The following ZNF782 variants were observed in gnomAD, a reference collection of about 807,000 sequenced individuals.
ZNF782 encodes the protein zinc finger protein 782.
Under a neutral mutation model 13.0 loss-of-function variants are expected in ZNF782, and 12 were observed. The observed-to-expected ratio is 0.92, with a 90% CI of 0.59 to 1.50. ZNF782 has a LOEUF of 1.50. Among genes scored for constraint, ZNF782 ranks in the 40% most tolerant of loss-of-function variants. The pLI, the probability that ZNF782 is intolerant of heterozygous loss-of-function variation, is 0.00. For synonymous variants in ZNF782, 284 were observed against 283.0 expected (o/e 1.00, Z -0.04); for missense variants, 770 against 822.9 (o/e 0.94, Z 0.79).
chr9:96,901,754 C>G, the ZNF782 span, among the ~76,000 whole-genome samples: 1 of 151,342 alleles, frequency 6.6e-6, no homozygotes, highest in African/African-American at 2.4e-5. Flanking sequence ...GTGGCACACA[C>G]CTGTAATCCC....
Position 96,818,072 on chromosome 9 carries a change from A to G in ZNF782, c.1951T>C (p.Cys651Arg), listed in dbSNP as rs1455926209. The change falls in exon 6 of 6, where the codon TGT (cysteine) becomes CGT (arginine). Residue 651 changes from cysteine (C) to arginine (R), a missense_variant. Transcript: ENST00000481138. The part of the protein sequence containing the change: ...TGEKPYNCNQ[C>R]GEAFSQKSNL... ...GATTTCTGACTGAAAGCTTCCCCAC[A>G]CTGATTACAATTATATGGTTTCTCC... The G allele has an allele frequency of 5.0e-6, 8 of 1,613,824 alleles. No homozygotes were observed. Among genetic ancestry groups the G allele is most frequent in the Non-Finnish European group, 6.8e-6 (8 of 1,179,984 alleles).
rs372785206 is a variant in ZNF782 at position 96,836,858 on chromosome 9, C to G, written c.142+8032G>C. ...CTTGTGAGAACGGGTTGTTAAAGAG[C>G]CTGGTTTCTCTCTTGCTTCCTCTTT... On this transcript the variant is annotated intron_variant, in intron 4 of 5. Coordinates refer to ENST00000481138, the MANE Select transcript of ZNF782 (RefSeq NM_001001662.3). Among the ~76,000 whole-genome samples, 67 of 152,164 alleles carry G rather than the reference C, an allele frequency of 4.4e-4. 1 individual carries two copies. The East Asian group carries it at 4.5e-3, about 10-fold the overall frequency.
intron 5 of ZNF782, among the ~76,000 whole-genome samples, chr9:96,820,404 A>G (rs1850372201): frequency 6.6e-6 from 1 of 152,194 alleles, no homozygotes; most frequent in Non-Finnish European, 1.5e-5. Context: ...CTGCATTATC[A>G]TCAAAGGAAC....
At chr9:96,859,358 G>C (rs575912591), upstream of ZNF782, among the ~76,000 whole-genome samples, 12 of 152,196 alleles carry the variant, frequency 7.9e-5, no homozygotes, top group South Asian at 2.5e-3. Context: ...TCGCAGCTCT[G>C]ACAGAGACCT....
At chr9:96,903,628 T>C in the ZNF782 span, among the ~76,000 whole-genome samples, 2 of 120,134 alleles carry the variant, frequency 1.7e-5, no homozygotes, top group South Asian at 2.9e-4. Flanking sequence ...AGTGGCGCAA[T>C]CTCGGCTCAC....
intron 1 of ZNF782, among the ~76,000 whole-genome samples, chr9:96,872,832 C>G (rs1263375460): frequency 6.6e-6 from 1 of 152,032 alleles, no homozygotes; most frequent in East Asian, 1.9e-4. Context: ...GTTATTGTGT[C>G]TGAGAGGAAA....
In ZNF782 at chr9:96,818,393, C is replaced by G. The variant is rs767004717; in HGVS notation, c.1630G>C (p.Gly544Arg). 3 of 1,612,006 alleles carry G rather than the reference C, an allele frequency of 1.9e-6. No homozygotes were observed. Among genetic ancestry groups the G allele is most frequent in the Non-Finnish European group, 2.5e-6 (3 of 1,179,432 alleles). Residue 544 changes from glycine (G) to arginine (R), a missense_variant, in exon 6 of 6, where the codon GGT becomes CGT. Coordinates refer to ENST00000481138, the MANE Select transcript of ZNF782 (RefSeq NM_001001662.3). ...TGTCCTCTGAGTTGTGATTTCTGACCGAAAGCTTTTCCACACTGATTACAT... is the reference window on the plus strand; with the variant it reads ...TGTCCTCTGAGTTGTGATTTCTGACGGAAAGCTTTTCCACACTGATTACAT... ...YKCNQCGKAF[G>R]QKSQLRGHHR... is the part of the protein sequence containing the mutation.
chr9:96,851,884 G>T, intron 3 of ZNF782, 63 bp downstream of exon 3: 1 of 1,443,352 alleles, frequency 6.9e-7, no homozygotes, highest in South Asian at 1.2e-5. Context: ...TTTAATGCAA[G>T]GGCCTATCTA....
Position 96,818,404 on chromosome 9 carries a change from C to T in ZNF782, c.1619G>A (p.Gly540Glu). ...TTGTGATTTCTGACCGAAAGCTTTT[C>T]CACACTGATTACATTTGTAGGGCTT... The part of the protein sequence containing the change: ...GEKPYKCNQC[G>E]KAFGQKSQLR... Residue 540 changes from glycine (G) to glutamate (E), a missense_variant, in exon 6 of 6, where the codon GGA becomes GAA. By Grantham distance (98) the Gly-to-Glu change is moderately conservative. Coordinates refer to ENST00000481138, the MANE Select transcript of ZNF782 (RefSeq NM_001001662.3). 6.2e-7 allele frequency: 1 copy of T among 1,614,066 alleles called. No individual in the cohort carries two copies. Among genetic ancestry groups the T allele is most frequent in the Middle Eastern group, 1.6e-4 (1 of 6,062 alleles).
At chr9:96,901,333 G>A in the ZNF782 span, among the ~76,000 whole-genome samples, 2 of 141,496 alleles carry the variant, frequency 1.4e-5, no homozygotes, top group African/African-American at 5.3e-5. Flanking sequence ...GTGCAGTGGT[G>A]CAATCTTGGC....
At chr9:96,875,853 G>A (rs1167581108), upstream of ZNF782, among the ~76,000 whole-genome samples, 2 of 152,224 alleles carry the variant, frequency 1.3e-5, no homozygotes, top group Non-Finnish European at 1.5e-5. Context: ...CCACCTCTCA[G>A]CCTTAGCTAG....
chr9:96,889,065 G>C, the ZNF782 span: 1 of 152,236 alleles, frequency 6.6e-6, no homozygotes, highest in Non-Finnish European at 1.5e-5. Context: ...TTGCAAAACT[G>C]TGAGGCCTGC....
At chr9:96,880,526 T>C (rs141620433), upstream of ZNF782, among the ~76,000 whole-genome samples, 24 of 152,342 alleles carry the variant, frequency 1.6e-4, no homozygotes, top group East Asian at 4.4e-3. Flanking sequence ...TTTTGCCGCA[T>C]CAACTGATAT....
chr9:96,861,117 T>TTTAAAATTTTAAAAATTTTAA (rs1851699058), intron 2 of ZNF782, among the ~76,000 whole-genome samples: 2 of 152,128 alleles, frequency 1.3e-5, no homozygotes, highest in Non-Finnish European at 2.9e-5. Flanking sequence ...AAGATTTAAA[T>TTTAAAATTTTAAAAATTTTAA]CAAAGACCTC....
upstream of ZNF782, among the ~76,000 whole-genome samples, chr9:96,879,455 A>G (rs1048960516): frequency 6.6e-6 from 1 of 152,242 alleles, no homozygotes; most frequent in Non-Finnish European, 1.5e-5. Context: ...GTGAGCCCAG[A>G]TCGCGCCACT....
At chr9:96,912,837 G>A in the ZNF782 span, among the ~76,000 whole-genome samples, 2 of 151,152 alleles carry the variant, frequency 1.3e-5, no homozygotes, top group African/African-American at 2.4e-5. Flanking sequence ...TTTTTTTTCC[G>A]TTTTTTTGTT....
At chr9:96,865,796 G>A (rs1851748231) in intron 1 of ZNF782, among the ~76,000 whole-genome samples, 1 of 152,102 alleles carries the variant, frequency 6.6e-6, no homozygotes, top group South Asian at 2.1e-4. Flanking sequence ...AGGCTGAGGT[G>A]GTCTCAGATG....
intron 3 of ZNF782, among the ~76,000 whole-genome samples, chr9:96,845,825 T>C (rs1851327415): frequency 6.6e-6 from 1 of 152,208 alleles, no homozygotes; most frequent in Admixed American, 6.5e-5. Flanking sequence ...GATATTTACA[T>C]ATCCCAATCC....
chr9:96,899,704 C>A, the ZNF782 span, among the ~76,000 whole-genome samples: 2 of 152,214 alleles, frequency 1.3e-5, no homozygotes, highest in African/African-American at 4.8e-5. Context: ...GTCTAACCAT[C>A]CACAAATGTT....
Sources: gnomAD v4.1 joint callset for allele counts (sites outside exome capture counted in the v4.1 genomes callset) on GRCh38, gnomAD v4.1.1 for gene constraint, MANE v1.5 for transcripts, NCBI Gene and HGNC (gene_info 2026-07-23, HGNC 2026-07-21) for gene names.